The following LRP1B variants were observed in gnomAD, a reference collection of about 807,000 sequenced individuals.
LRP1B encodes low-density lipoprotein receptor-related protein 1B.
Under a neutral mutation model 556.6 loss-of-function variants are expected in LRP1B, and 217 were observed. That is an observed-to-expected ratio of 0.39 (90% CI 0.35 to 0.44). The LOEUF is 0.44. LRP1B is among the 20% of genes least tolerant of loss of function. LRP1B has a pLI of 1.00. For missense variants in LRP1B, 5,053 were observed against 5,620.8 expected, an observed-to-expected ratio of 0.90 and a Z score of 3.23; for synonymous variants, 2,047 against 1,865.8, an observed-to-expected ratio of 1.10 and a Z score of -2.50.
At chr2:141,630,862 A>T (rs1184901073) in intron 2 of LRP1B, among the ~76,000 whole-genome samples, 1 of 151,964 alleles carries the variant, frequency 6.6e-6, no homozygotes, top group East Asian at 1.9e-4. Context: ...GAGCTTCTTA[A>T]TTTTTTTCTA....
At chr2:140,911,204 C>T (rs147465206) in intron 21 of LRP1B, among the ~76,000 whole-genome samples, 204 of 151,814 alleles carry the variant, frequency 1.3e-3, no homozygotes, top group African/African-American at 4.7e-3. Context: ...AGGGAGTTAG[C>T]TATTTATAAA....
chr2:141,727,213 A>G (rs1365432289), intron 2 of LRP1B, among the ~76,000 whole-genome samples: 1 of 152,114 alleles, frequency 6.6e-6, no homozygotes, highest in African/African-American at 2.4e-5. Context: ...TACCTTAAGA[A>G]CCACACCTAT....
In LRP1B at chr2:140,253,317, T is replaced by G. The variant is rs1343142008; in HGVS notation, c.13248-6155A>C. On this transcript the variant is annotated intron_variant, in intron 86 of 90. Coordinates refer to ENST00000389484, the MANE Select transcript of LRP1B (RefSeq NM_018557.3). ...GTAAAGTAAAAAGAGAAATGACATATTCAATAAAGTGTTTATTGAACTAAT... is the reference window on the plus strand; with the variant it reads ...GTAAAGTAAAAAGAGAAATGACATAGTCAATAAAGTGTTTATTGAACTAAT... Among the ~76,000 whole-genome samples, 5 of 152,150 alleles carry G rather than the reference T, an allele frequency of 3.3e-5. No homozygotes were observed. The South Asian group carries it at 1.0e-3, about 32-fold the overall frequency.
chr2:141,954,263 T>C (rs945732513), intron 1 of LRP1B, among the ~76,000 whole-genome samples: 5 of 152,112 alleles, frequency 3.3e-5, no homozygotes, highest in Non-Finnish European at 5.9e-5. Context: ...TTGAGTACAT[T>C]ACTTGGCTTC....
At chr2:140,582,438 C>T (rs1011289313) in intron 43 of LRP1B, among the ~76,000 whole-genome samples, 3 of 152,096 alleles carry the variant, frequency 2.0e-5, no homozygotes, top group South Asian at 2.1e-4. Context: ...ATTGGTGCTA[C>T]GGTTCGAATG....
intron 2 of LRP1B, among the ~76,000 whole-genome samples, chr2:141,702,754 T>G (rs1034358183): frequency 2.0e-5 from 3 of 151,908 alleles, no homozygotes; most frequent in African/African-American, 7.2e-5. Flanking sequence ...TGGAAATTAT[T>G]GTCCTAACCC....
intron 34 of LRP1B, among the ~76,000 whole-genome samples, chr2:140,769,988 T>G (rs1355498381): frequency 3.3e-5 from 5 of 151,896 alleles, no homozygotes; most frequent in Admixed American, 2.6e-4. Flanking sequence ...AAGTACACAC[T>G]CTAATGCTTA....
chr2:141,712,215 A>C (rs1009214411), intron 2 of LRP1B, among the ~76,000 whole-genome samples: 1 of 152,166 alleles, frequency 6.6e-6, no homozygotes, highest in African/African-American at 2.4e-5. Flanking sequence ...GGAACTCAGA[A>C]AATTTGTAAC....
At chr2:140,864,945 G>T (rs1692904324) in intron 27 of LRP1B, among the ~76,000 whole-genome samples, 1 of 151,970 alleles carries the variant, frequency 6.6e-6, no homozygotes, top group Non-Finnish European at 1.5e-5. Context: ...ATGATGAAGG[G>T]TACATCACGC....
In LRP1B at chr2:142,099,652, G is replaced by T. The variant is rs926731478; in HGVS notation, c.82+30996C>A. ...AACACTGCATCTCTATTGACAAATT[G>T]CATTTGCCAGACCAAATTCTTCTCT... On this transcript the variant is annotated intron_variant, in intron 1 of 90. Transcript: ENST00000389484. Among the ~76,000 whole-genome samples, 6 of 151,980 alleles carry T rather than the reference G, an allele frequency of 3.9e-5. 1 individual carries two copies. Among genetic ancestry groups the T allele is most frequent in the Admixed American group, 2.6e-4 (4 of 15,208 alleles).
intron 10 of LRP1B, 33 bp downstream of exon 10, chr2:141,055,083 G>T (rs776753698): frequency 1.9e-6 from 3 of 1,608,866 alleles, no homozygotes; most frequent in Admixed American, 1.7e-5. Context: ...TAAAGGGGTA[G>T]CTGCTGGCAA....
chr2:140,544,245 G>T lies in LRP1B; in HGVS notation c.7195-2274C>A, dbSNP rs1040253812. ...GCAGGTTTGTTATGTAGGTAAATTT[G>T]TATCACAGGGGTATTAACTTTTAAA... On this transcript the variant is annotated intron_variant, in intron 43 of 90. Transcript: ENST00000389484. Among the ~76,000 whole-genome samples, 8 of 145,220 alleles carry T rather than the reference G, an allele frequency of 5.5e-5. No individual in the cohort carries two copies. The South Asian group carries it at 9.3e-4, about 17-fold the overall frequency.
At chr2:141,589,753 CAT>C (rs1254770360) in intron 2 of LRP1B, among the ~76,000 whole-genome samples, 4 of 152,082 alleles carry the variant, frequency 2.6e-5, no homozygotes, top group Admixed American at 6.6e-5. Flanking sequence ...ATGAGGTTGT[CAT>C]ATGGCTAAAT....
intron 1 of LRP1B, among the ~76,000 whole-genome samples, chr2:142,044,803 C>G (rs1214800761): frequency 6.6e-6 from 1 of 151,346 alleles, no homozygotes; most frequent in African/African-American, 2.4e-5. Context: ...TAACGGTTAA[C>G]AAAAAAGGAA....
intron 2 of LRP1B, among the ~76,000 whole-genome samples, chr2:141,794,995 A>G (rs963347632): frequency 6.6e-6 from 1 of 152,056 alleles, no homozygotes; most frequent in Non-Finnish European, 1.5e-5. Flanking sequence ...AAAATAATGG[A>G]GTTGTAAAAG....
intron 1 of LRP1B, among the ~76,000 whole-genome samples, chr2:141,984,048 C>T (rs1032012530): frequency 6.6e-6 from 1 of 152,054 alleles, no homozygotes; most frequent in African/African-American, 2.4e-5. Context: ...GCGACAAGAG[C>T]AAAACTCCAT....
At chr2:140,588,678 A>G (rs1022576231) in intron 43 of LRP1B, among the ~76,000 whole-genome samples, 1 of 152,184 alleles carries the variant, frequency 6.6e-6, no homozygotes, top group Non-Finnish European at 1.5e-5. Context: ...GAAAAGATGG[A>G]CATCCAGCTG....
chr2:141,145,172 G>T (rs570285147), intron 7 of LRP1B, among the ~76,000 whole-genome samples: 34 of 152,206 alleles, frequency 2.2e-4, no homozygotes, highest in African/African-American at 7.7e-4. Context: ...TGTTAATAAT[G>T]CCTGTCAATC....
chr2:141,792,890 A>G (rs959315620), intron 2 of LRP1B, among the ~76,000 whole-genome samples: 12 of 152,074 alleles, frequency 7.9e-5, no homozygotes, highest in Admixed American at 7.2e-4. Flanking sequence ...TAAGAAAAAT[A>G]TCTTGAAAAA....
Sources: allele counts gnomAD v4.1 joint callset (sites outside exome capture counted in the v4.1 genomes callset), GRCh38; gene constraint gnomAD v4.1.1; transcripts MANE v1.5; gene names NCBI Gene and HGNC (gene_info 2026-07-23, HGNC 2026-07-21).